DYRK1A: variants seen among roughly 807,000 people sequenced by gnomAD.
DYRK1A encodes dual specificity tyrosine-phosphorylation-regulated kinase 1A.
DYRK1A carries 9 observed loss-of-function variants against 79.7 expected under a neutral mutation model. The ratio of observed to expected loss-of-function variants is 0.11; its 90% CI spans 0.07 to 0.20. The LOEUF (loss-of-function observed/expected upper bound fraction) is 0.20. DYRK1A is among the 10% of genes least tolerant of loss of function. The pLI, the probability that DYRK1A is intolerant of heterozygous loss-of-function variation, is 1.00. For synonymous variants in DYRK1A, 349 were observed against 329.7 expected, an observed-to-expected ratio of 1.06 and a Z score of -0.63; for missense variants, 622 against 956.0, an observed-to-expected ratio of 0.65 and a Z score of 4.61.
chr21:37,374,816 G>A (rs1253221740), intron 1 of DYRK1A, among the ~76,000 whole-genome samples: 11 of 152,316 alleles, frequency 7.2e-5, no homozygotes, highest in African/African-American at 2.4e-4. Context: ...GCCTCCCAAA[G>A]TGCTGGGATT....
chr21:37,490,067 A>G, intron 6 of DYRK1A, 108 bp from the exon 7 acceptor site: 1 of 1,133,124 alleles, frequency 8.8e-7, no homozygotes, highest in Non-Finnish European at 1.2e-6. Flanking sequence ...CTTTAACTGA[A>G]CTCTGCATTT....
At chr21:37,423,905 C>T (rs1385411520) in intron 2 of DYRK1A, among the ~76,000 whole-genome samples, 1 of 151,840 alleles carries the variant, frequency 6.6e-6, no homozygotes, top group Non-Finnish European at 1.5e-5. Context: ...TACTTAAAAC[C>T]GTTTGTGGCA....
At position 37,523,860 on chromosome 21, in the gene DYRK1A, T is replaced by A. The variant is rs1286590402; in HGVS notation, c.*11329T>A. ...CCACTTTGGTGCTACTGTGGCAGAA[T>A]TGAGTAGTTGCTGCAGAGACCGTAT... On this transcript the variant is annotated 3_prime_UTR_variant, in exon 12 of 12. Coordinates refer to ENST00000647188, the MANE Select transcript of DYRK1A (RefSeq NM_001347721.2). The A allele has an allele frequency of 6.6e-6, 1 of 152,200 alleles. No individual in the cohort carries two copies. The highest frequency in any genetic ancestry group is 1.5e-5 in the Non-Finnish European group (1 of 68,030). The allele number at this position is 152,200 out of a possible 1,614,324, so 9.4% of individuals were successfully genotyped here.
chr21:37,410,191 GGTTT>G (rs1226932544), intron 1 of DYRK1A, among the ~76,000 whole-genome samples: 1 of 152,140 alleles, frequency 6.6e-6, no homozygotes, highest in Non-Finnish European at 1.5e-5. Flanking sequence ...AATTTACTGA[GGTTT>G]GTTAAGATTT....
In DYRK1A at chr21:37,519,736, G is replaced by GTTTTTTTTGTTTTTTTTTTTTTTGTTTT. The variant is rs58947386; in HGVS notation, c.*7213_*7214insGTTTTTTTTTTTTTTGTTTTTTTTTTTT. 1.2e-5 allele frequency: 1 copy of GTTTTTTTTGTTTTTTTTTTTTTTGTTTT among 85,802 alleles called. No individual in the cohort carries two copies. Among genetic ancestry groups the GTTTTTTTTGTTTTTTTTTTTTTTGTTTT allele is most frequent in the African/African-American group, 4.9e-5 (1 of 20,580 alleles). 5.3% of individuals were successfully genotyped at this position (85,802 alleles called of 1,614,324 possible). On this transcript the variant is annotated 3_prime_UTR_variant, in exon 12 of 12. Coordinates refer to ENST00000647188, the MANE Select transcript of DYRK1A (RefSeq NM_001347721.2). ...AGAGTTTTGAGGTTTGTTGTGGGAAGTTTTTTTTTTTTTTTTTTTTTTTGA... is the reference window on the plus strand; with the variant it reads ...AGAGTTTTGAGGTTTGTTGTGGGAAGTTTTTTTTGTTTTTTTTTTTTTTGTTTTTTTTTTTTTTTTTTTTTTTTTTTGA...
intron 2 of DYRK1A, among the ~76,000 whole-genome samples, chr21:37,453,397 TGAA>T (rs1320207322): frequency 4.6e-5 from 7 of 152,122 alleles, no homozygotes; most frequent in Non-Finnish European, 7.3e-5. Context: ...GTTGAATGAA[TGAA>T]GGAGAGGAAG....
At chr21:37,478,161 G>A in intron 3 of DYRK1A, 47 bp from the exon 4 acceptor site, 1 of 1,610,350 alleles carries the variant, frequency 6.2e-7, no homozygotes, top group Non-Finnish European at 8.5e-7. Context: ...TAAAGTGCTA[G>A]TCTTTTCTGT....
chr21:37,419,122 T>G (rs1401475466), intron 1 of DYRK1A: 1 of 152,198 alleles, frequency 6.6e-6, no homozygotes, highest in Non-Finnish European at 1.5e-5. Flanking sequence ...AATAAGAGAT[T>G]TATTTGGGCA....
rs566381052 is a variant in DYRK1A, at chr21:37,421,269, G to T, written c.10+885G>T. Among the ~76,000 whole-genome samples, 6 of 152,146 alleles carry T rather than the reference G, an allele frequency of 3.9e-5. No homozygotes were observed. In the South Asian group the frequency reaches 1.2e-3, roughly 32 times the overall value. ...ATAAATTTTGAATTGATACCTAACAGATGCCTAATTATATCATTGGTGTAG... is the reference window on the plus strand; with the variant it reads ...ATAAATTTTGAATTGATACCTAACATATGCCTAATTATATCATTGGTGTAG... On this transcript the variant is annotated intron_variant, in intron 2 of 11. Transcript: ENST00000647188.
Position 37,520,880 on chromosome 21 carries a change from A to G in DYRK1A, c.*8349A>G, listed in dbSNP as rs559948615. On this transcript the variant is annotated 3_prime_UTR_variant, in exon 12 of 12. Transcript: ENST00000647188. The stretch of plus-strand genomic sequence containing the variant: ...GCTTGGAGTCCTGGATTCCTCCAGG[A>G]CTGCTACTGTATTCCAATTGAGTGG... 1.3e-5 allele frequency: 2 copies of G among 152,290 alleles called. No individual in the cohort carries two copies. Among genetic ancestry groups the G allele is most frequent in the South Asian group, 2.1e-4 (1 of 4,826 alleles). 9.4% of individuals were successfully genotyped at this position (152,290 alleles called of 1,614,324 possible).
At position 37,500,742 on chromosome 21, in the gene DYRK1A, C is replaced by T. The variant is rs146969729; in HGVS notation, c.1212+4484C>T. Among the ~76,000 whole-genome samples the T allele has an allele frequency of 8.8e-3, 1,336 of 151,592 alleles. 7 individuals carry two copies. The highest frequency in any genetic ancestry group is 0.015 in the Non-Finnish European group (991 of 67,868). ...TCATCTAAATTGTTGAATTTGTTGG[C>T]GTAAACTTATCAATAATATTTTACT... On this transcript the variant is annotated intron_variant, in intron 9 of 11. Transcript: ENST00000647188.
At chr21:37,377,029 G>GTA (rs1404612474) in intron 1 of DYRK1A, among the ~76,000 whole-genome samples, 2 of 152,188 alleles carry the variant, frequency 1.3e-5, no homozygotes, top group African/African-American at 4.8e-5. Context: ...AGGTGTGTGT[G>GTA]TGTGTATGTA....
intron 2 of DYRK1A, among the ~76,000 whole-genome samples, chr21:37,468,941 T>C (rs965557762): frequency 1.3e-5 from 2 of 152,198 alleles, no homozygotes. Flanking sequence ...ATTCAGAATA[T>C]GGATTTTTAA....
chr21:37,431,522 T>G (rs1168537998), intron 2 of DYRK1A, among the ~76,000 whole-genome samples: 2 of 152,172 alleles, frequency 1.3e-5, no homozygotes, highest in African/African-American at 2.4e-5. Context: ...GAAGCACTGT[T>G]TCTTCTGTCC....
At chr21:37,470,041 G>A (rs7277733) in intron 2 of DYRK1A, among the ~76,000 whole-genome samples, 67,258 of 151,980 alleles carry the variant, frequency 0.44, 15,671 homozygotes, top group East Asian at 0.57. Flanking sequence ...CTCCTCGGGA[G>A]GCTGAGGCAG....
At chr21:37,421,801 TG>T (rs950344597) in intron 2 of DYRK1A, 2 of 152,176 alleles carry the variant, frequency 1.3e-5, no homozygotes, top group African/African-American at 4.8e-5. Context: ...TGTCAGCTCC[TG>T]GATTGCTCCT....
At position 37,519,288 on chromosome 21, in the gene DYRK1A, A is replaced by G. The variant is rs1030425274; in HGVS notation, c.*6757A>G. The G allele has an allele frequency of 6.6e-6, 1 of 152,220 alleles. No homozygotes were observed. The highest frequency in any genetic ancestry group is 2.4e-5 in the African/African-American group (1 of 41,450). The allele number at this position is 152,220 out of a possible 1,614,324, so 9.4% of individuals were successfully genotyped here. A position where few individuals can be genotyped will look rare whatever the true frequency, so the allele number is the denominator to read the frequency against. ...TATAGTAGTTACAGTTTCCCTCTCT[A>G]GAATCCCAAAGAGGTTCAGATCCCA... On this transcript the variant is annotated 3_prime_UTR_variant, in exon 12 of 12. Coordinates refer to ENST00000647188, the MANE Select transcript of DYRK1A (RefSeq NM_001347721.2).
Position 37,406,947 on chromosome 21 carries a change from T to C in DYRK1A, c.-76-13352T>C, listed in dbSNP as rs534177535. On this transcript the variant is annotated intron_variant, in intron 1 of 11. Coordinates refer to ENST00000647188, the MANE Select transcript of DYRK1A (RefSeq NM_001347721.2). ...TTTAAAATTCTTTTGATTTTTTTTT[T>C]TTTTTTAAAGTCATCTTTTACAACT... Among the ~76,000 whole-genome samples the C allele has an allele frequency of 8.0e-5, 12 of 150,922 alleles. 1 individual carries two copies. The South Asian group carries it at 2.5e-3, about 31-fold the overall frequency.
chr21:37,440,130 C>CTTTTTTTTTTTCTTTTT, intron 2 of DYRK1A, among the ~76,000 whole-genome samples: 1 of 37,744 alleles, frequency 2.6e-5, no homozygotes, highest in Non-Finnish European at 5.2e-5. Context: ...TTGTTTGCTC[C>CTTTTTTTTTTTCTTTTT]TTTTTTTTTT....
Sources: allele counts gnomAD v4.1 joint callset (sites outside exome capture counted in the v4.1 genomes callset), GRCh38; gene constraint gnomAD v4.1.1; transcripts MANE v1.5; gene names NCBI Gene and HGNC (gene_info 2026-07-23, HGNC 2026-07-21).